CMTM4: variants seen among roughly 807,000 people sequenced by gnomAD.
CMTM4 encodes CKLF like MARVEL transmembrane domain containing 4, also known as CKLF-like MARVEL transmembrane domain-containing protein 4.
In CMTM4, 8 loss-of-function variants were observed where a neutral mutation model predicts 19.0. That is an observed-to-expected ratio of 0.42 (90% confidence interval 0.25 to 0.76). CMTM4 has a LOEUF of 0.76. Ranked by LOEUF, CMTM4 falls within the 30% of genes least tolerant of loss-of-function variation. CMTM4 has a pLI of 0.27. For synonymous variants in CMTM4, 106 were observed against 121.1 expected (o/e 0.88, Z 0.82); for missense variants, 228 against 290.2 (o/e 0.79, Z 1.56).
intron 1 of CMTM4, among the ~76,000 whole-genome samples, chr16:66,653,942 T>C (rs1227919324): frequency 6.6e-6 from 1 of 152,098 alleles, no homozygotes; most frequent in African/African-American, 2.4e-5. Context: ...GGTTTTGCTA[T>C]GTTGGCCAGG....
chr16:66,633,588 T>C (rs539685468), intron 2 of CMTM4, among the ~76,000 whole-genome samples: 177 of 152,142 alleles, frequency 1.2e-3, no homozygotes, highest in African/African-American at 4.1e-3. Context: ...GAGGCTGAGG[T>C]GGGCAGATCA....
chr16:66,693,643 TCA>T (rs577342102), intron 1 of CMTM4, among the ~76,000 whole-genome samples: 1 of 152,300 alleles, frequency 6.6e-6, no homozygotes, highest in Non-Finnish European at 1.5e-5. Flanking sequence ...ATATAACCTC[TCA>T]GAGTTTAAGT....
At chr16:66,686,265 A>C (rs2017030248) in intron 1 of CMTM4, among the ~76,000 whole-genome samples, 1 of 150,200 alleles carries the variant, frequency 6.7e-6, no homozygotes, top group Non-Finnish European at 1.5e-5. Context: ...AAAAAAAAAA[A>C]AACAACAAAG....
At chr16:66,681,462 A>G (rs1370906891) in intron 1 of CMTM4, among the ~76,000 whole-genome samples, 4 of 151,740 alleles carry the variant, frequency 2.6e-5, no homozygotes, top group Non-Finnish European at 5.9e-5. Flanking sequence ...GACTACAGGC[A>G]CCCGCCACCA....
downstream of CMTM4, among the ~76,000 whole-genome samples, chr16:66,612,445 C>T (rs1266703490): frequency 2.6e-5 from 4 of 152,150 alleles, no homozygotes; most frequent in African/African-American, 7.2e-5. This position sits in a 1 kb window ranked among gnomAD's most constrained non-coding sequence, Gnocchi z 6.0. Flanking sequence ...GCCTCAGGCC[C>T]GCGGCCTGCC....
intron 2 of CMTM4, among the ~76,000 whole-genome samples, chr16:66,629,536 CAA>C (rs1468367531): frequency 3.3e-5 from 5 of 152,118 alleles, no homozygotes; most frequent in Non-Finnish European, 7.4e-5. Flanking sequence ...AATATTTAAT[CAA>C]ATCCTTGAAT....
At chr16:66,693,520 T>TC (rs2017175397) in intron 1 of CMTM4, among the ~76,000 whole-genome samples, 1 of 152,146 alleles carries the variant, frequency 6.6e-6, no homozygotes, top group Non-Finnish European at 1.5e-5. Context: ...AAATTTAGAG[T>TC]CCAATTTCTT....
At chr16:66,631,930 A>G (rs570903891) in intron 2 of CMTM4, among the ~76,000 whole-genome samples, 15 of 152,238 alleles carry the variant, frequency 9.9e-5, no homozygotes, top group African/African-American at 3.1e-4. Context: ...TGATCAATAA[A>G]AAAATAAAAT....
chr16:66,618,794 A>G lies in CMTM4; in HGVS notation c.*3264T>C, dbSNP rs2015573405. The G allele has an allele frequency of 1.0e-6, 1 of 985,364 alleles. No individual in the cohort carries two copies. Among genetic ancestry groups the G allele is most frequent in the Admixed American group, 6.1e-5 (1 of 16,276 alleles). 61.0% of individuals were successfully genotyped at this position (985,364 alleles called of 1,614,324 possible). ...CGAAGCTGTCCCAGAAGCACCCGACATAGGGTGGAGGTCAGACACATTCCC... is the reference window on the plus strand; with the variant it reads ...CGAAGCTGTCCCAGAAGCACCCGACGTAGGGTGGAGGTCAGACACATTCCC... On this transcript the variant is annotated 3_prime_UTR_variant, in exon 4 of 4. Transcript: ENST00000394106.
At chr16:66,629,680 A>C (rs904997416) in intron 2 of CMTM4, among the ~76,000 whole-genome samples, 1 of 152,168 alleles carries the variant, frequency 6.6e-6, no homozygotes, top group African/African-American at 2.4e-5. Flanking sequence ...AGGTCACCAG[A>C]AAAACCAGCC....
At chr16:66,612,635 T>TGAA, downstream of CMTM4, 2 of 1,614,076 alleles carry the variant, frequency 1.2e-6, no homozygotes, top group Non-Finnish European at 1.7e-6. This position sits in a 1 kb window ranked among gnomAD's most constrained non-coding sequence, Gnocchi z 6.0. Context: ...GGACTCTGAC[T>TGAA]GAAGGCCTGG....
At chr16:66,644,678 C>A (rs1283381261) in intron 1 of CMTM4, among the ~76,000 whole-genome samples, 3 of 152,112 alleles carry the variant, frequency 2.0e-5, no homozygotes, top group East Asian at 3.8e-4. Flanking sequence ...GTGGGGTAGA[C>A]CCCTGTCGTG....
the CMTM4 span, chr16:66,608,343 C>G: frequency 1.2e-6 from 2 of 1,614,202 alleles, no homozygotes; most frequent in African/African-American, 2.7e-5. This position sits in a 1 kb window ranked among gnomAD's most constrained non-coding sequence, Gnocchi z 5.1. Flanking sequence ...TGCTATGTGG[C>G]GTCCTCAGCA....
intron 1 of CMTM4, among the ~76,000 whole-genome samples, chr16:66,687,219 T>C (rs973915000): frequency 4.0e-5 from 6 of 151,576 alleles, no homozygotes; most frequent in African/African-American, 1.5e-4. Flanking sequence ...CTGTATTATC[T>C]AAATCATTCT....
chr16:66,598,221 T>C, the CMTM4 span, among the ~76,000 whole-genome samples: 1 of 152,178 alleles, frequency 6.6e-6, no homozygotes, highest in Non-Finnish European at 1.5e-5. Context: ...CTTCATTCCA[T>C]AGCAGACATT....
chr16:66,604,695 G>A, the CMTM4 span: 1 of 859,002 alleles, frequency 1.2e-6, no homozygotes. Flanking sequence ...ATGCGCCCCT[G>A]CGCGAGCCAG....
downstream of CMTM4, chr16:66,612,678 T>A: frequency 6.2e-7 from 1 of 1,606,228 alleles, no homozygotes; most frequent in Non-Finnish European, 8.5e-7. The surrounding 1 kb of genome is among the most constrained non-coding windows in gnomAD (Gnocchi z 6.0). Context: ...CACACAGGCC[T>A]CCACCCCTGC....
At chr16:66,678,337 CAA>C (rs1403697184) in intron 1 of CMTM4, among the ~76,000 whole-genome samples, 6 of 152,134 alleles carry the variant, frequency 3.9e-5, no homozygotes, top group South Asian at 2.1e-4. Context: ...GAGAAAGAAA[CAA>C]ATGAAATTGG....
chr16:66,627,920 C>A (rs1171102901), intron 2 of CMTM4, among the ~76,000 whole-genome samples: 3 of 152,272 alleles, frequency 2.0e-5, no homozygotes, highest in African/African-American at 7.2e-5. Flanking sequence ...TTATTATTTT[C>A]ATTATCTCAG....
Sources: allele counts gnomAD v4.1 joint callset (sites outside exome capture counted in the v4.1 genomes callset), GRCh38; gene constraint gnomAD v4.1.1; non-coding constraint Gnocchi (gnomAD v3.1); transcripts MANE v1.5; gene names NCBI Gene and HGNC (gene_info 2026-07-23, HGNC 2026-07-21).